The following DTNB variants were observed in gnomAD, a reference collection of about 807,000 sequenced individuals.
DTNB encodes the protein dystrobrevin beta, also known as DTN-B.
DTNB carries 63 observed loss-of-function variants against 90.7 expected under a neutral mutation model. The observed-to-expected ratio is 0.69, with a 90% CI of 0.57 to 0.86. The LOEUF (loss-of-function observed/expected upper bound fraction) is 0.86, where lower values mean the gene tolerates loss of function less well. Among genes scored for constraint, DTNB ranks in the 40% least tolerant of loss-of-function variants. The pLI, the probability that DTNB is intolerant of heterozygous loss-of-function variation, is 0.00. For synonymous variants in DTNB, 277 were observed against 286.7 expected, an observed-to-expected ratio of 0.97 and a Z score of 0.34; for missense variants, 744 against 807.1, an observed-to-expected ratio of 0.92 and a Z score of 0.95.
intron 8 of DTNB, among the ~76,000 whole-genome samples, chr2:25,563,919 C>T (rs926754095): frequency 2.0e-5 from 3 of 151,888 alleles, no homozygotes; most frequent in Non-Finnish European, 4.4e-5. Context: ...GAGACGGAGT[C>T]TCACTCTGTC....
chr2:25,438,767 T>C (rs762748179), intron 12 of DTNB, among the ~76,000 whole-genome samples: 3 of 152,200 alleles, frequency 2.0e-5, no homozygotes, highest in Non-Finnish European at 4.4e-5. Context: ...TAACTTTATG[T>C]TGGAGAAACC....
intron 12 of DTNB, among the ~76,000 whole-genome samples, chr2:25,449,657 G>A (rs980375762): frequency 3.3e-5 from 5 of 152,114 alleles, no homozygotes; most frequent in Non-Finnish European, 5.9e-5. Flanking sequence ...TTTTAAAAAA[G>A]GCTTGTCTTT....
At chr2:25,649,106 G>A (rs931358816) in intron 2 of DTNB, among the ~76,000 whole-genome samples, 2 of 139,202 alleles carry the variant, frequency 1.4e-5, no homozygotes, top group South Asian at 2.3e-4. Flanking sequence ...CCAGGTTCAC[G>A]CCATTCTCCT....
intron 1 of DTNB, among the ~76,000 whole-genome samples, chr2:25,660,335 T>C (rs562578662): frequency 7.2e-5 from 11 of 152,278 alleles, no homozygotes; most frequent in African/African-American, 2.2e-4. Context: ...TAGAAGACCA[T>C]GTATTATATG....
chr2:25,668,781 A>G (rs1169469677), intron 1 of DTNB, among the ~76,000 whole-genome samples: 1 of 152,234 alleles, frequency 6.6e-6, no homozygotes, highest in Non-Finnish European at 1.5e-5. Flanking sequence ...ACTTGAGTAC[A>G]TACACAAAAG....
Position 25,387,519 on chromosome 2 carries a change from C to G in DTNB, c.1736-141G>C. ...GGAGATGGGGCCACAGCAGCTCCAC[C>G]CATTCCCAGGCACACCGGGGGCAGG... is the stretch of plus-strand genomic sequence containing the variant. On this transcript the variant is annotated intron_variant, in intron 17 of 20. Coordinates refer to ENST00000406818, the MANE Select transcript of DTNB (RefSeq NM_021907.5). The surrounding 1 kb of genome is among the most constrained non-coding windows in gnomAD (Gnocchi z 4.5). 1 of 698,244 alleles carries G rather than the reference C, an allele frequency of 1.4e-6. No homozygotes were observed. The allele number at this position is 698,244 out of a possible 1,614,324, so 43.3% of individuals were successfully genotyped here.
At chr2:25,542,198 T>C (rs1029920658) in intron 8 of DTNB, among the ~76,000 whole-genome samples, 1 of 152,202 alleles carries the variant, frequency 6.6e-6, no homozygotes, top group Admixed American at 6.5e-5. Flanking sequence ...CGCTGCAACC[T>C]CCACCTCCTG....
At chr2:25,472,521 G>A (rs1019214594) in intron 10 of DTNB, among the ~76,000 whole-genome samples, 20 of 152,142 alleles carry the variant, frequency 1.3e-4, no homozygotes, top group South Asian at 2.1e-4. Flanking sequence ...GAAGAATGGG[G>A]GTTTTAGCTT....
At chr2:25,534,393 GTCTA>G (rs1166215015) in intron 8 of DTNB, among the ~76,000 whole-genome samples, 3 of 152,196 alleles carry the variant, frequency 2.0e-5, no homozygotes, top group Non-Finnish European at 4.4e-5. Flanking sequence ...AGTCTCCTAT[GTCTA>G]TCTCTTTCTA....
chr2:25,596,322 A>G, intron 5 of DTNB, 82 bp from the exon 6 acceptor site: 1 of 1,370,180 alleles, frequency 7.3e-7, no homozygotes, highest in Non-Finnish European at 9.8e-7. Flanking sequence ...TTGTATACCA[A>G]ACAAAAAGTA....
intron 8 of DTNB, among the ~76,000 whole-genome samples, chr2:25,558,809 G>A (rs2057783456): frequency 6.6e-6 from 1 of 152,200 alleles, no homozygotes; most frequent in African/African-American, 2.4e-5. Flanking sequence ...TACTGAAAAT[G>A]CGGATAAAGG....
chr2:25,616,550 A>G (rs900675260), intron 4 of DTNB, among the ~76,000 whole-genome samples: 1 of 149,578 alleles, frequency 6.7e-6, no homozygotes, highest in African/African-American at 2.5e-5. Flanking sequence ...ATTCATTAAG[A>G]TTATTATTAG....
chr2:25,636,337 A>T (rs933915675), intron 3 of DTNB, among the ~76,000 whole-genome samples: 1 of 152,156 alleles, frequency 6.6e-6, no homozygotes, highest in Admixed American at 6.5e-5. Context: ...CAGTCTCAAA[A>T]TTTTTTTCAG....
At chr2:25,414,039 A>G (rs536760787) in intron 16 of DTNB, among the ~76,000 whole-genome samples, 1 of 152,206 alleles carries the variant, frequency 6.6e-6, no homozygotes, top group Non-Finnish European at 1.5e-5. Context: ...AGTGATGACG[A>G]GCATTTTTTC....
chr2:25,640,081 G>A (rs570171796), intron 2 of DTNB, among the ~76,000 whole-genome samples: 1 of 152,180 alleles, frequency 6.6e-6, no homozygotes, highest in Non-Finnish European at 1.5e-5. Context: ...CCCACAAAAC[G>A]CATAAATAGA....
intron 5 of DTNB, among the ~76,000 whole-genome samples, chr2:25,605,933 T>G (rs530214168): frequency 2.2e-4 from 33 of 152,178 alleles, no homozygotes; most frequent in Non-Finnish European, 2.6e-4. Flanking sequence ...AATAAAACCA[T>G]AATTCTTATT....
chr2:25,544,862 A>T (rs939865393), intron 8 of DTNB, among the ~76,000 whole-genome samples: 2 of 152,230 alleles, frequency 1.3e-5, no homozygotes, highest in African/African-American at 4.8e-5. Context: ...TTCTTGCCTC[A>T]AATTATTTTT....
intron 16 of DTNB, among the ~76,000 whole-genome samples, chr2:25,402,535 G>A (rs1040850207): frequency 5.6e-5 from 8 of 142,782 alleles, no homozygotes; most frequent in Non-Finnish European, 1.0e-4. Flanking sequence ...GGAGAGAGGG[G>A]CTAAAGAGTT....
In DTNB at chr2:25,387,532, C is replaced by T. The variant is rs1238998778; in HGVS notation, c.1736-154G>A. 6.6e-6 allele frequency among the ~76,000 whole-genome samples: 1 copy of T among 152,182 alleles called. No homozygotes were observed. The highest frequency in any genetic ancestry group is 1.5e-5 in the Non-Finnish European group (1 of 68,020). On this transcript the variant is annotated intron_variant, in intron 17 of 20. Transcript: ENST00000406818. This position sits in a 1 kb window ranked among gnomAD's most constrained non-coding sequence, Gnocchi z 4.5. ...CAGCAGCTCCACCCATTCCCAGGCACACCGGGGGCAGGAGGCACCAGCCCA... is the reference window on the plus strand; with the variant it reads ...CAGCAGCTCCACCCATTCCCAGGCATACCGGGGGCAGGAGGCACCAGCCCA...
Sources: gnomAD v4.1 joint callset for allele counts (sites outside exome capture counted in the v4.1 genomes callset) on GRCh38, gnomAD v4.1.1 for gene constraint, Gnocchi (gnomAD v3.1) non-coding constraint, MANE v1.5 for transcripts, NCBI Gene and HGNC (gene_info 2026-07-23, HGNC 2026-07-21) for gene names.